The following DAB2IP variants were observed in gnomAD, a reference collection of about 807,000 sequenced individuals.
DAB2IP encodes the protein DAB2 interacting protein, also known as disabled homolog 2-interacting protein.
A neutral mutation model predicts 107.2 loss-of-function variants in DAB2IP; 28 were observed. The ratio of observed to expected loss-of-function variants is 0.26; its 90% CI spans 0.19 to 0.36. DAB2IP has a LOEUF of 0.36. Ranked by LOEUF, DAB2IP falls within the 10% of genes least tolerant of loss-of-function variation. The pLI is 1.00. For synonymous variants in DAB2IP, 755 were observed against 706.4 expected, an observed-to-expected ratio of 1.07 and a Z score of -1.09; for missense variants, 1,400 against 1,644.7, an observed-to-expected ratio of 0.85 and a Z score of 2.57.
In DAB2IP at chr9:121,760,304, C is replaced by T; in HGVS notation, c.1035C>T (p.Tyr345=). 6.2e-7 allele frequency: 1 copy of T among 1,613,850 alleles called. No individual in the cohort carries two copies. The highest frequency in any genetic ancestry group is 8.5e-7 in the Non-Finnish European group (1 of 1,180,026). Residue 345 remains tyrosine (Y), a synonymous_variant, in exon 6 of 16, where the codon TAC becomes TAT. Coordinates refer to ENST00000408936, the Ensembl canonical transcript of DAB2IP. This position sits in a 1 kb window ranked among gnomAD's most constrained non-coding sequence, Gnocchi z 5.9. ...TCACCATCCTGCCCATGGAGATGTA[C>T]AAAGAGTTCGCTGAGCACATCACCA...
chr9:121,577,917 TG>T (rs1175690414), intron 1 of DAB2IP, among the ~76,000 whole-genome samples: 11 of 151,992 alleles, frequency 7.2e-5, no homozygotes, highest in Non-Finnish European at 1.2e-4. Context: ...CAGGGGTCCT[TG>T]GGGGCTGTCC....
intron 3 of DAB2IP, among the ~76,000 whole-genome samples, chr9:121,733,315 G>A (rs1831654966): frequency 6.6e-6 from 1 of 152,260 alleles, no homozygotes; most frequent in Non-Finnish European, 1.5e-5. Flanking sequence ...CTCCCAGGAT[G>A]CATGCATCTC....
intron 1 of DAB2IP, among the ~76,000 whole-genome samples, chr9:121,642,796 G>C (rs1365662228): frequency 6.6e-6 from 1 of 152,112 alleles, no homozygotes; most frequent in African/African-American, 2.4e-5. Context: ...TGAATACACA[G>C]ATTAGATAGT....
intron 3 of DAB2IP, 31 bp from the exon 4 acceptor site, chr9:121,756,982 G>C: frequency 6.2e-7 from 1 of 1,613,020 alleles, no homozygotes; most frequent in Non-Finnish European, 8.5e-7. Flanking sequence ...GGGCTGTGGG[G>C]GCCCACCTGA....
chr9:121,572,395 G>GATGA (rs141995347), intron 1 of DAB2IP, among the ~76,000 whole-genome samples: 40,008 of 151,524 alleles, frequency 0.26, 5,738 homozygotes, highest in African/African-American at 0.33. Flanking sequence ...ATACTCAGTG[G>GATGA]ATGAATGAAT....
At chr9:121,600,077 G>A (rs964059333) in intron 1 of DAB2IP, among the ~76,000 whole-genome samples, 2 of 152,074 alleles carry the variant, frequency 1.3e-5, no homozygotes, top group African/African-American at 2.4e-5. Flanking sequence ...CGAGGAAGGC[G>A]CCCCCAGCTG....
At chr9:121,572,274 G>A (rs1829962591) in intron 1 of DAB2IP, among the ~76,000 whole-genome samples, 1 of 152,120 alleles carries the variant, frequency 6.6e-6, no homozygotes, top group South Asian at 2.1e-4. Flanking sequence ...CTGCTCACCA[G>A]CCTGACTCCC....
intron 1 of DAB2IP, among the ~76,000 whole-genome samples, chr9:121,574,341 A>C (rs576912618): frequency 6.6e-6 from 1 of 152,144 alleles, no homozygotes; most frequent in Non-Finnish European, 1.5e-5. Context: ...AACTGACACC[A>C]GCCTAGCCTG....
chr9:121,731,317 AAC>A (rs1564185027), intron 3 of DAB2IP, among the ~76,000 whole-genome samples: 1 of 152,134 alleles, frequency 6.6e-6, no homozygotes, highest in African/African-American at 2.4e-5. Flanking sequence ...GTAAAATGGG[AAC>A]AGTGATCTCT....
intron 1 of DAB2IP, among the ~76,000 whole-genome samples, chr9:121,661,839 G>A (rs1037824710): frequency 8.5e-5 from 13 of 152,082 alleles, no homozygotes; most frequent in African/African-American, 1.7e-4. Context: ...AAAATTTTTT[G>A]TTGTGGTGGC....
Position 121,760,677 on chromosome 9 carries a change from G to A in DAB2IP, c.1170+238G>A, listed in dbSNP as rs914233239. Among the ~76,000 whole-genome samples, 8 of 152,186 alleles carry A rather than the reference G, an allele frequency of 5.3e-5. No individual in the cohort carries two copies. Among genetic ancestry groups the A allele is most frequent in the African/African-American group, 1.9e-4 (8 of 41,452 alleles). On this transcript the variant is annotated intron_variant, in intron 6 of 15. Transcript: ENST00000408936. The surrounding 1 kb of genome is among the most constrained non-coding windows in gnomAD (Gnocchi z 5.9). ...CCAGTGGATGGGATTGCAGCTGGTA[G>A]TGAGGGAGTGGGCTTGGGTTGAGGT...
intron 14 of DAB2IP, among the ~76,000 whole-genome samples, chr9:121,781,212 C>G (rs535373361): frequency 6.6e-6 from 1 of 152,110 alleles, no homozygotes; most frequent in Non-Finnish European, 1.5e-5. Context: ...AGGGGCAGCC[C>G]GGGGGCCTCT....
chr9:121,685,007 G>A (rs1260256606), intron 2 of DAB2IP, among the ~76,000 whole-genome samples: 4 of 152,160 alleles, frequency 2.6e-5, no homozygotes, highest in Non-Finnish European at 5.9e-5. Context: ...GTCCCACCAT[G>A]GGCGCCCCAG....
chr9:121,571,744 T>TA (rs1380442129), intron 1 of DAB2IP, among the ~76,000 whole-genome samples: 1 of 151,842 alleles, frequency 6.6e-6, no homozygotes, highest in Non-Finnish European at 1.5e-5. Flanking sequence ...CTAAGCCTCT[T>TA]AGCAGGCAGG....
At chr9:121,627,557 A>G (rs1005923113) in intron 1 of DAB2IP, among the ~76,000 whole-genome samples, 6 of 152,190 alleles carry the variant, frequency 3.9e-5, no homozygotes, top group Non-Finnish European at 7.3e-5. Context: ...CACTCTCTGC[A>G]AAGACTGTGG....
In DAB2IP at chr9:121,592,843, C is replaced by A. The variant is rs78995585; in HGVS notation, c.40+25615C>A. Among the ~76,000 whole-genome samples, 567 of 152,212 alleles carry A rather than the reference C, an allele frequency of 3.7e-3. 3 individuals carry two copies. Among genetic ancestry groups the A allele is most frequent in the African/African-American group, 0.013 (544 of 41,528 alleles). On this transcript the variant is annotated intron_variant, in intron 1 of 16. Transcript: ENST00000259371. ...CAGATGGAAGCTGACAAGGAAAAGA[C>A]GGGTCCAGATTGGAATCCCTGGGCT... is the stretch of plus-strand genomic sequence containing the variant.
chr9:121,670,411 G>A (rs1833627510), intron 1 of DAB2IP, among the ~76,000 whole-genome samples: 1 of 152,248 alleles, frequency 6.6e-6, no homozygotes, highest in Non-Finnish European at 1.5e-5. Flanking sequence ...CAAAATCAAG[G>A]TGTCAGCAGG....
chr9:121,570,107 CTTTTTT>C (rs60818537), intron 1 of DAB2IP, among the ~76,000 whole-genome samples: 4 of 101,496 alleles, frequency 3.9e-5, no homozygotes, highest in East Asian at 2.9e-4. Flanking sequence ...TTCTCTTTCT[CTTTTTT>C]TTTTTTTTTT....
intron 1 of DAB2IP, among the ~76,000 whole-genome samples, chr9:121,677,395 G>A: frequency 6.6e-6 from 1 of 152,258 alleles, no homozygotes; most frequent in South Asian, 2.1e-4. Flanking sequence ...GTTGGGGTGT[G>A]CCTGTGGTCC....
Sources: allele counts gnomAD v4.1 joint callset (sites outside exome capture counted in the v4.1 genomes callset), GRCh38; gene constraint gnomAD v4.1.1; non-coding constraint Gnocchi (gnomAD v3.1); transcripts MANE v1.5; gene names NCBI Gene and HGNC (gene_info 2026-07-23, HGNC 2026-07-21).